Variants in DNAH11 observed in about 807,000 individuals in gnomAD.
The protein encoded by DNAH11 is dynein axonemal heavy chain 11.
A neutral mutation model predicts 526.0 loss-of-function variants in DNAH11; 442 were observed. The ratio of observed to expected loss-of-function variants is 0.84; its 90% CI spans 0.78 to 0.91. DNAH11 has a LOEUF of 0.91. Among genes scored for constraint, DNAH11 ranks in the 40% least tolerant of loss-of-function variants. The probability of loss-of-function intolerance (pLI) is 0.00; values close to 1 mark genes in which losing one functional copy is unlikely to be tolerated. For missense variants in DNAH11, 6,989 were observed against 5,448.7 expected (o/e 1.28, Z -8.90); for synonymous variants, 2,461 against 1,935.9 (o/e 1.27, Z -7.12).
chr7:21,764,013 T>C (rs532625126), intron 54 of DNAH11, among the ~76,000 whole-genome samples: 9 of 152,014 alleles, frequency 5.9e-5, no homozygotes, highest in Admixed American at 5.9e-4. Flanking sequence ...GAAAGTAGAA[T>C]GGTGGTTACC....
intron 26 of DNAH11, among the ~76,000 whole-genome samples, 153 bp downstream of exon 26, chr7:21,636,248 G>C (rs1361092770): frequency 6.6e-6 from 1 of 152,174 alleles, no homozygotes. Context: ...AAATATTTCA[G>C]GCTGTGTGGA....
In DNAH11 at chr7:21,741,930, C is replaced by T; in HGVS notation, c.7918C>T (p.His2640Tyr). The T allele has an allele frequency of 2.5e-6, 4 of 1,613,636 alleles. No individual in the cohort carries two copies. Among genetic ancestry groups the T allele is most frequent in the South Asian group, 1.1e-5 (1 of 91,062 alleles). The change falls in exon 49 of 82, where the codon CAT (histidine) becomes TAT (tyrosine). Residue 2640 changes from histidine to tyrosine, a missense_variant. His to Tyr is a moderately conservative substitution (Grantham distance 83). Transcript: ENST00000409508. Reference protein sequence around the residue: ...SFTINPRLQRHFTVFAFNFPS... With the variant: ...SFTINPRLQRYFTVFAFNFPS... Reference sequence around the variant, plus strand: ...TTATATTTGCTTTTCTTTTCAGAGACATTTCACAGTGTTTGCATTCAATTT... The same window carrying T: ...TTATATTTGCTTTTCTTTTCAGAGATATTTCACAGTGTTTGCATTCAATTT...
intron 54 of DNAH11, among the ~76,000 whole-genome samples, chr7:21,754,717 C>T (rs988283496): frequency 2.6e-5 from 4 of 152,104 alleles, no homozygotes; most frequent in Non-Finnish European, 5.9e-5. Context: ...GAAGGGATCC[C>T]ACTTCTGATC....
intron 30 of DNAH11, among the ~76,000 whole-genome samples, chr7:21,660,613 A>C (rs1400443872): frequency 2.6e-5 from 4 of 151,880 alleles, no homozygotes; most frequent in Admixed American, 2.6e-4. Flanking sequence ...CCATAAATTC[A>C]TTTTCAGGAG....
intron 54 of DNAH11, among the ~76,000 whole-genome samples, chr7:21,756,348 T>C (rs977377988): frequency 6.6e-6 from 1 of 152,080 alleles, no homozygotes; most frequent in Admixed American, 6.5e-5. Flanking sequence ...TAAGATTCTA[T>C]TTGGGGCTGT....
chr7:21,828,147 C>G (rs778571611), intron 65 of DNAH11, among the ~76,000 whole-genome samples: 3 of 152,104 alleles, frequency 2.0e-5, no homozygotes, highest in African/African-American at 7.2e-5. Flanking sequence ...TGGGGTTTCA[C>G]TATGTTGGTC....
At chr7:21,899,854 C>A in intron 80 of DNAH11, 126 bp from the exon 81 acceptor site, 1 of 1,175,668 alleles carries the variant, frequency 8.5e-7, no homozygotes, top group Non-Finnish European at 1.2e-6. Context: ...CCAGCGCAGC[C>A]ATGTGCCAAT....
At chr7:21,771,325 G>A (rs536997960) in intron 55 of DNAH11, among the ~76,000 whole-genome samples, 4 of 152,114 alleles carry the variant, frequency 2.6e-5, no homozygotes, top group Non-Finnish European at 5.9e-5. Flanking sequence ...GCTGACCTCT[G>A]GGTATTGGTT....
intron 2 of DNAH11, among the ~76,000 whole-genome samples, chr7:21,553,930 C>A (rs762707223): frequency 2.0e-5 from 3 of 151,966 alleles, no homozygotes; most frequent in African/African-American, 7.3e-5. Flanking sequence ...TAATGTCAGG[C>A]CAGCTCTTTC....
chr7:21,748,533 C>T (rs754416819), intron 51 of DNAH11, 47 bp from the exon 52 acceptor site: 24 of 1,424,230 alleles, frequency 1.7e-5, no homozygotes, highest in Middle Eastern at 1.9e-4. Context: ...GACATAGTCC[C>T]GGGGCATTTT....
At chr7:21,700,342 C>T (rs896520931) in intron 36 of DNAH11, among the ~76,000 whole-genome samples, 2 of 152,184 alleles carry the variant, frequency 1.3e-5, no homozygotes, top group Non-Finnish European at 2.9e-5. Context: ...AGGATAACTT[C>T]CTGTGCTACA....
intron 43 of DNAH11, among the ~76,000 whole-genome samples, chr7:21,719,023 T>C (rs1784777817): frequency 2.6e-5 from 4 of 152,204 alleles, no homozygotes; most frequent in Admixed American, 2.6e-4. Context: ...AAAAGCATTA[T>C]CGTGTTCTTT....
chr7:21,824,595 C>CTCA lies in DNAH11; in HGVS notation c.10691+6256_10691+6257insTCA, dbSNP rs554856454. Among the ~76,000 whole-genome samples, 729 of 152,184 alleles carry CTCA rather than the reference C, an allele frequency of 4.8e-3. 3 individuals are homozygous for CTCA. Among genetic ancestry groups the CTCA allele is most frequent in the African/African-American group, 0.017 (687 of 41,528 alleles). ...CAAAGAACTACAAATAGTCAATAAGCACATGAAAATATGCTCAACATCATT... is the reference window on the plus strand; with the variant it reads ...CAAAGAACTACAAATAGTCAATAAGCTCAACATGAAAATATGCTCAACATCATT... On this transcript the variant is annotated intron_variant, in intron 65 of 81. Transcript: ENST00000409508.
At chr7:21,738,594 C>T in intron 46 of DNAH11, 107 bp from the exon 47 acceptor site, 1 of 1,208,194 alleles carries the variant, frequency 8.3e-7, no homozygotes, top group Non-Finnish European at 1.1e-6. Context: ...ATACCTGAAA[C>T]CACAGGGTGG....
intron 61 of DNAH11, among the ~76,000 whole-genome samples, chr7:21,791,934 A>G (rs897915342): frequency 1.5e-4 from 23 of 152,230 alleles, no homozygotes; most frequent in Non-Finnish European, 3.4e-4. Context: ...TAATTGGCCC[A>G]TGATTCTGCA....
At chr7:21,599,046 A>G (rs1784970746) in intron 14 of DNAH11, among the ~76,000 whole-genome samples, 1 of 152,232 alleles carries the variant, frequency 6.6e-6, no homozygotes, top group Admixed American at 6.5e-5. Context: ...TATAATGAAC[A>G]TACATGTGTG....
At chr7:21,639,123 G>T in intron 28 of DNAH11, 58 bp downstream of exon 28, 1 of 1,515,406 alleles carries the variant, frequency 6.6e-7, no homozygotes, top group Non-Finnish European at 8.8e-7. Context: ...ATGTCATAGC[G>T]TCTCTATCAT....
intron 55 of DNAH11, among the ~76,000 whole-genome samples, chr7:21,772,740 G>A (rs1490488465): frequency 6.6e-6 from 1 of 152,136 alleles, no homozygotes; most frequent in Non-Finnish European, 1.5e-5. Flanking sequence ...TGCAATATGT[G>A]GGTATTCCAA....
At chr7:21,848,482 T>C (rs1782504527) in intron 66 of DNAH11, among the ~76,000 whole-genome samples, 1 of 152,120 alleles carries the variant, frequency 6.6e-6, no homozygotes, top group South Asian at 2.1e-4. Flanking sequence ...ACCGTATTTT[T>C]ATTGGGTTTT....
Sources: gnomAD v4.1 joint callset for allele counts (sites outside exome capture counted in the v4.1 genomes callset) on GRCh38, gnomAD v4.1.1 for gene constraint, MANE v1.5 for transcripts, NCBI Gene and HGNC (gene_info 2026-07-23, HGNC 2026-07-21) for gene names.